ADGRL3: variants seen among roughly 807,000 people sequenced by gnomAD.
The protein encoded by ADGRL3 is adhesion G protein-coupled receptor L3, also known as calcium-independent alpha-latrotoxin receptor 3.
In ADGRL3, 62 loss-of-function variants were observed where a neutral mutation model predicts 153.5. The ratio of observed to expected loss-of-function variants is 0.40; its 90% confidence interval spans 0.33 to 0.50. ADGRL3 has a LOEUF of 0.50. Among genes scored for constraint, ADGRL3 ranks in the 20% least tolerant of loss-of-function variants. The probability of loss-of-function intolerance (pLI) is 0.47; values close to 1 mark genes in which losing one functional copy is unlikely to be tolerated. For missense variants in ADGRL3, 1,641 were observed against 1,859.4 expected (o/e 0.88, Z 2.16); for synonymous variants, 710 against 672.5 (o/e 1.06, Z -0.86).
At chr4:61,240,299 A>C (rs1442535884) in intron 1 of ADGRL3, among the ~76,000 whole-genome samples, 1 of 152,106 alleles carries the variant, frequency 6.6e-6, no homozygotes, top group Non-Finnish European at 1.5e-5. Flanking sequence ...CTCATGACTT[A>C]ATCACCTATT....
chr4:61,665,398 G>T (rs772151621), intron 5 of ADGRL3, among the ~76,000 whole-genome samples: 1 of 151,918 alleles, frequency 6.6e-6, no homozygotes, highest in Non-Finnish European at 1.5e-5. Flanking sequence ...GTGACAAAGC[G>T]AAACTGTCTT....
At chr4:61,773,043 G>A (rs1324908691) in intron 8 of ADGRL3, among the ~76,000 whole-genome samples, 3 of 152,152 alleles carry the variant, frequency 2.0e-5, no homozygotes, top group African/African-American at 7.2e-5. Context: ...CATGCATAAG[G>A]TGTTCATTAC....
intron 1 of ADGRL3, among the ~76,000 whole-genome samples, chr4:61,247,350 G>A (rs552494091): frequency 6.6e-6 from 1 of 152,060 alleles, no homozygotes; most frequent in African/African-American, 2.4e-5. Context: ...GACAGACCAA[G>A]ATATATGTGA....
chr4:61,736,246 T>A (rs1351511921), intron 8 of ADGRL3, among the ~76,000 whole-genome samples: 1 of 152,132 alleles, frequency 6.6e-6, no homozygotes, highest in African/African-American at 2.4e-5. Flanking sequence ...ATTGTGAACA[T>A]AAGGAAAATT....
chr4:61,593,061 A>G (rs1199165669), intron 5 of ADGRL3, among the ~76,000 whole-genome samples: 1 of 152,128 alleles, frequency 6.6e-6, no homozygotes, highest in Non-Finnish European at 1.5e-5. Flanking sequence ...CTTATAACCC[A>G]CTATTTAAAC....
rs139476359 is a variant in ADGRL3 at position 61,413,195 on chromosome 4, C to A, written c.-174+30006C>A. Among the ~76,000 whole-genome samples the A allele has an allele frequency of 4.2e-3, 632 of 152,236 alleles. 8 individuals are homozygous for A. The highest frequency in any genetic ancestry group is 0.012 in the South Asian group (59 of 4,826). On this transcript the variant is annotated intron_variant, in intron 2 of 26. Coordinates refer to ENST00000683033, the MANE Select transcript of ADGRL3 (RefSeq NM_001387552.1). ...TGTTGGATGTGCTCAGGAGGTTAGGCTCCTCACTAGGCCTCTACTGATGCT... is the reference window on the plus strand; with the variant it reads ...TGTTGGATGTGCTCAGGAGGTTAGGATCCTCACTAGGCCTCTACTGATGCT...
At chr4:61,585,297 C>G (rs538728762) in intron 4 of ADGRL3, among the ~76,000 whole-genome samples, 2 of 151,990 alleles carry the variant, frequency 1.3e-5, no homozygotes, top group Non-Finnish European at 2.9e-5. Context: ...TACAGTCCTA[C>G]TTTTTCAAAA....
intron 5 of ADGRL3, among the ~76,000 whole-genome samples, chr4:61,620,729 C>T (rs758924783): frequency 1.1e-4 from 17 of 147,986 alleles, no homozygotes; most frequent in Non-Finnish European, 2.4e-4. Flanking sequence ...CAACTTCTGC[C>T]TCTCGGGTTC....
intron 9 of ADGRL3, among the ~76,000 whole-genome samples, chr4:61,876,276 T>A (rs2098474429): frequency 1.1e-5 from 1 of 94,448 alleles, no homozygotes; most frequent in Non-Finnish European, 2.3e-5. Context: ...TAAGTCTATT[T>A]TATCCAATTT....
intron 4 of ADGRL3, among the ~76,000 whole-genome samples, chr4:61,538,590 C>T (rs1349601824): frequency 1.3e-5 from 2 of 152,058 alleles, no homozygotes; most frequent in African/African-American, 2.4e-5. Flanking sequence ...CAGGCATGCA[C>T]CACCACGCCC....
chr4:62,047,669 G>T (rs917721660), intron 25 of ADGRL3, among the ~76,000 whole-genome samples: 6 of 152,020 alleles, frequency 3.9e-5, no homozygotes, highest in African/African-American at 1.4e-4. Context: ...TTGGAAGTTT[G>T]TTGTTTCATC....
At position 62,064,559 on chromosome 4, in the gene ADGRL3, A is replaced by G. The variant is rs563205009; in HGVS notation, c.3815-3607A>G. On this transcript the variant is annotated intron_variant, in intron 25 of 26. Transcript: ENST00000683033. ...AATTATATTTGAAAGAAAATTCACAATTACAAAGAGACTTCCATGATTCTT... is the reference window on the plus strand; with the variant it reads ...AATTATATTTGAAAGAAAATTCACAGTTACAAAGAGACTTCCATGATTCTT... 1.0e-3 allele frequency among the ~76,000 whole-genome samples: 154 copies of G among 152,176 alleles called. 2 individuals are homozygous for G. Among genetic ancestry groups the G allele is most frequent in the Admixed American group, 1.5e-3 (23 of 15,262 alleles).
intron 1 of ADGRL3, among the ~76,000 whole-genome samples, chr4:61,350,573 A>G (rs1490110914): frequency 6.6e-6 from 1 of 152,050 alleles, no homozygotes; most frequent in East Asian, 1.9e-4. Context: ...GTGCCAAACA[A>G]GTCTTTTGGT....
chr4:61,657,530 T>A (rs527268698), intron 5 of ADGRL3, among the ~76,000 whole-genome samples: 1 of 152,218 alleles, frequency 6.6e-6, no homozygotes, highest in South Asian at 2.1e-4. Flanking sequence ...CTCTATAGAT[T>A]CAGTTTTTTT....
At chr4:61,298,473 T>A (rs1211181105) in intron 1 of ADGRL3, among the ~76,000 whole-genome samples, 1 of 152,224 alleles carries the variant, frequency 6.6e-6, no homozygotes, top group African/African-American at 2.4e-5. Flanking sequence ...CTTTTGTTGC[T>A]GAGAACAAAT....
intron 2 of ADGRL3, among the ~76,000 whole-genome samples, chr4:61,395,158 T>C (rs939889150): frequency 6.6e-5 from 10 of 151,986 alleles, no homozygotes; most frequent in Non-Finnish European, 1.3e-4. Flanking sequence ...CGGGACAATC[T>C]AGTGATAAGG....
chr4:61,955,515 G>A lies in ADGRL3; in HGVS notation c.2805+7239G>A, dbSNP rs574180762. Among the ~76,000 whole-genome samples, 10 of 152,206 alleles carry A rather than the reference G, an allele frequency of 6.6e-5. 2 individuals carry two copies. In the South Asian group the frequency reaches 2.1e-3, roughly 32 times the overall value. On this transcript the variant is annotated intron_variant, in intron 17 of 26. Transcript: ENST00000683033. Reference sequence around the variant, plus strand: ...CAAAAACTAATTTGAACTAATTAGTGATGAATTTCTGCTGGGGGAAGTCAT... The same window carrying A: ...CAAAAACTAATTTGAACTAATTAGTAATGAATTTCTGCTGGGGGAAGTCAT...
At chr4:61,233,318 T>C (rs981803729) in intron 1 of ADGRL3, among the ~76,000 whole-genome samples, 17 of 152,150 alleles carry the variant, frequency 1.1e-4, no homozygotes, top group Non-Finnish European at 4.4e-5. Flanking sequence ...TTTTAAATCT[T>C]TTTAGAAATT....
At chr4:61,480,100 A>G (rs1363550706) in intron 2 of ADGRL3, among the ~76,000 whole-genome samples, 1 of 152,142 alleles carries the variant, frequency 6.6e-6, no homozygotes, top group African/African-American at 2.4e-5. Context: ...TAGTACTACC[A>G]TACTGTACAT....
Sources: gnomAD v4.1 joint callset for allele counts (sites outside exome capture counted in the v4.1 genomes callset) on GRCh38, gnomAD v4.1.1 for gene constraint, MANE v1.5 for transcripts, NCBI Gene and HGNC (gene_info 2026-07-23, HGNC 2026-07-21) for gene names.